Variants in LRRC28 observed in about 807,000 individuals in gnomAD.
LRRC28 encodes leucine rich repeat containing 28, also known as leucine-rich repeat-containing protein 28.
Under a neutral mutation model 45.7 loss-of-function variants are expected in LRRC28, and 39 were observed. The ratio of observed to expected loss-of-function variants is 0.85; its 90% confidence interval spans 0.66 to 1.12. The LOEUF (loss-of-function observed/expected upper bound fraction) is 1.12, where lower values mean the gene tolerates loss of function less well. Among genes scored for constraint, LRRC28 ranks in the 50% most tolerant of loss-of-function variants. LRRC28 has a pLI of 0.00. For missense variants in LRRC28, 435 were observed against 438.5 expected (o/e 0.99, Z 0.07); for synonymous variants, 206 against 178.8 (o/e 1.15, Z -1.22).
intron 6 of LRRC28, among the ~76,000 whole-genome samples, chr15:99,346,226 G>T (rs186035295): frequency 4.3e-4 from 66 of 152,254 alleles, no homozygotes; most frequent in African/African-American, 1.6e-3. Flanking sequence ...ACCCAGGCTA[G>T]CGTGCAGTGG....
rs367676916 is a variant in LRRC28, at chr15:99,387,165, A to T, written c.*1063A>T. 4 of 147,768 alleles carry T rather than the reference A, an allele frequency of 2.7e-5. No homozygotes were observed. Among genetic ancestry groups the T allele is most frequent in the Non-Finnish European group, 6.0e-5 (4 of 66,826 alleles). 9.2% of individuals were successfully genotyped at this position (147,768 alleles called of 1,614,324 possible). On this transcript the variant is annotated 3_prime_UTR_variant, in exon 10 of 10. Transcript: ENST00000301981. Reference sequence around the variant, plus strand: ...AAGCTCCGCCTCCCGGGTTCACGCCATTCTCCTGCCTCAGCCTCCCAAGTA... The same window carrying T: ...AAGCTCCGCCTCCCGGGTTCACGCCTTTCTCCTGCCTCAGCCTCCCAAGTA...
chr15:99,349,839 A>G (rs969058439), intron 6 of LRRC28, among the ~76,000 whole-genome samples: 6 of 152,258 alleles, frequency 3.9e-5, no homozygotes, highest in Non-Finnish European at 8.8e-5. Context: ...GTTCAAACTC[A>G]TAAGTAGAAA....
At chr15:99,296,617 A>G (rs528087132) in intron 5 of LRRC28, among the ~76,000 whole-genome samples, 1 of 152,340 alleles carries the variant, frequency 6.6e-6, no homozygotes, top group South Asian at 2.1e-4. Context: ...GTGGTCAGCA[A>G]TATACGTAAA....
chr15:99,345,895 TG>T (rs1956664947), intron 6 of LRRC28, among the ~76,000 whole-genome samples: 1 of 152,236 alleles, frequency 6.6e-6, no homozygotes, highest in South Asian at 2.1e-4. Context: ...TCACATGCCT[TG>T]TAAGTGAATA....
chr15:99,350,186 A>C (rs1250540811), intron 6 of LRRC28, among the ~76,000 whole-genome samples: 2 of 152,166 alleles, frequency 1.3e-5, no homozygotes, highest in Non-Finnish European at 2.9e-5. Context: ...AACAATGTCA[A>C]GATACCTTTT....
At chr15:99,257,615 C>T in intron 2 of LRRC28, 4 of 675,552 alleles carry the variant, frequency 5.9e-6, no homozygotes, top group Non-Finnish European at 1.1e-5. Context: ...ACTTGAGACT[C>T]ACCAGCCACA....
intron 5 of LRRC28, among the ~76,000 whole-genome samples, chr15:99,292,668 A>G (rs1366547813): frequency 6.6e-6 from 1 of 152,194 alleles, no homozygotes; most frequent in Non-Finnish European, 1.5e-5. Context: ...CCAGCCTCGT[A>G]CAGTCTTTCT....
At chr15:99,256,198 T>C (rs1249394269) in intron 2 of LRRC28, 73 bp downstream of exon 2, 1 of 1,277,014 alleles carries the variant, frequency 7.8e-7, no homozygotes, top group Non-Finnish European at 1.1e-6. Flanking sequence ...TTACATACCC[T>C]AAGGTATTCA....
At chr15:99,318,414 C>T (rs1171965481) in intron 5 of LRRC28, among the ~76,000 whole-genome samples, 1 of 151,748 alleles carries the variant, frequency 6.6e-6, no homozygotes, top group Non-Finnish European at 1.5e-5. Context: ...TGAGGAGGCA[C>T]CATTAAATAA....
At chr15:99,268,232 G>T (rs867830867) in intron 2 of LRRC28, among the ~76,000 whole-genome samples, 2 of 152,164 alleles carry the variant, frequency 1.3e-5, no homozygotes, top group Admixed American at 6.5e-5. Flanking sequence ...TGTAAAGTCT[G>T]TGTCTGAGTT....
At chr15:99,285,632 G>T in intron 3 of LRRC28, 1 of 654,418 alleles carries the variant, frequency 1.5e-6, no homozygotes, top group South Asian at 1.9e-5. Flanking sequence ...TCCATGGGCA[G>T]CCACTGTGTA....
intron 3 of LRRC28, among the ~76,000 whole-genome samples, chr15:99,282,361 G>C (rs1469837849): frequency 6.6e-6 from 1 of 151,892 alleles, no homozygotes; most frequent in Admixed American, 6.6e-5. Flanking sequence ...TAGGGAGATT[G>C]TGTGGCTTAC....
intron 6 of LRRC28, among the ~76,000 whole-genome samples, chr15:99,344,432 CTG>C (rs1956617737): frequency 6.6e-6 from 1 of 152,146 alleles, no homozygotes; most frequent in African/African-American, 2.4e-5. Flanking sequence ...GTTTAAGTGT[CTG>C]TATTACATAC....
At chr15:99,383,168 C>T (rs1957880753) in intron 9 of LRRC28, among the ~76,000 whole-genome samples, 1 of 152,178 alleles carries the variant, frequency 6.6e-6, no homozygotes, top group East Asian at 1.9e-4. Flanking sequence ...CTTTCTGTCT[C>T]TGTAGATTTT....
chr15:99,333,441 A>G (rs1046753396), intron 5 of LRRC28, among the ~76,000 whole-genome samples: 6 of 152,180 alleles, frequency 3.9e-5, no homozygotes, highest in East Asian at 1.9e-4. Context: ...AAGACATTCT[A>G]ATTTCTACTC....
At chr15:99,258,568 A>C (rs2081096397) in intron 2 of LRRC28, 4 of 742,528 alleles carry the variant, frequency 5.4e-6, no homozygotes, top group Non-Finnish European at 4.9e-6. Flanking sequence ...GAAGAAGAAG[A>C]AAAACAGAAA....
chr15:99,318,821 AT>A (rs1433936475), intron 5 of LRRC28, among the ~76,000 whole-genome samples: 6 of 151,944 alleles, frequency 3.9e-5, no homozygotes, highest in Non-Finnish European at 7.4e-5. Context: ...AAACTAGATA[AT>A]TTTTGTGTTG....
intron 5 of LRRC28, among the ~76,000 whole-genome samples, chr15:99,292,260 G>A (rs1383853579): frequency 6.6e-6 from 1 of 152,110 alleles, no homozygotes. Context: ...GATTATCTCA[G>A]CTCTTTCTCT....
chr15:99,252,180 GTATAAC>G (rs1313354677), intron 1 of LRRC28, among the ~76,000 whole-genome samples: 4 of 152,290 alleles, frequency 2.6e-5, no homozygotes, highest in Non-Finnish European at 4.4e-5. Context: ...ATAAGAGGTA[GTATAAC>G]TATACAAGAG....
Sources: allele counts gnomAD v4.1 joint callset (sites outside exome capture counted in the v4.1 genomes callset), GRCh38; gene constraint gnomAD v4.1.1; transcripts MANE v1.5; gene names NCBI Gene and HGNC (gene_info 2026-07-23, HGNC 2026-07-21).